Variants in TECPR2 observed in about 807,000 individuals in gnomAD.
TECPR2 encodes tectonin beta-propeller repeat-containing protein 2.
TECPR2 carries 65 observed loss-of-function variants against 138.1 expected under a neutral mutation model. The ratio of observed to expected loss-of-function variants is 0.47; its 90% CI spans 0.39 to 0.58. TECPR2 has a LOEUF of 0.58. Among genes scored for constraint, TECPR2 ranks in the 20% least tolerant of loss-of-function variants. The pLI is 0.00. For missense variants in TECPR2, 1,553 were observed against 1,824.5 expected (o/e 0.85, Z 2.71); for synonymous variants, 746 against 749.8 (o/e 0.99, Z 0.08).
intron 6 of TECPR2, among the ~76,000 whole-genome samples, chr14:102,426,032 G>T (rs575800892): frequency 2.0e-5 from 3 of 149,868 alleles, no homozygotes; most frequent in African/African-American, 2.5e-5. Flanking sequence ...TTACAGGTGC[G>T]CACCACCACG....
chr14:102,489,778 T>G lies in TECPR2; in HGVS notation c.3790-7201T>G, dbSNP rs368269604. Among the ~76,000 whole-genome samples the G allele has an allele frequency of 8.0e-4, 121 of 151,854 alleles. 2 individuals are homozygous for G. The highest frequency in any genetic ancestry group is 2.8e-3 in the African/African-American group (117 of 41,354). ...TGCTCTCTCTGACAGCCCCTGAGTG[T>G]GTCTGGGTTTTGTCTGTTTAAATGA... is the stretch of plus-strand genomic sequence containing the variant. On this transcript the variant is annotated intron_variant, in intron 17 of 19. Coordinates refer to ENST00000359520, the MANE Select transcript of TECPR2 (RefSeq NM_014844.5).
rs984385002 is a variant in TECPR2, at chr14:102,432,088, G to C, written c.1377G>C (p.Lys459Asn). 2 of 1,604,820 alleles carry C rather than the reference G, an allele frequency of 1.2e-6. No homozygotes were observed. The highest frequency in any genetic ancestry group is 1.7e-6 in the Non-Finnish European group (2 of 1,174,828). ...SEDFDQELVV[K>N]PIKVKRKKKK... The stretch of plus-strand genomic sequence containing the variant: ...ACTTTGACCAGGAGCTTGTCGTGAA[G>C]CCTATCAAAGTGAAAAGGAAGAAGA... Residue 459 changes from lysine to asparagine, a missense_variant, in exon 8 of 20, where the codon AAG becomes AAC. Coordinates refer to ENST00000359520, the MANE Select transcript of TECPR2 (RefSeq NM_014844.5).
chr14:102,438,230 C>T (rs749578922), intron 10 of TECPR2, 25 bp downstream of exon 10: 10 of 1,584,300 alleles, frequency 6.3e-6, no homozygotes, highest in South Asian at 3.4e-5. Context: ...TCCCTGCTCC[C>T]GCTCCCTGCT....
chr14:102,497,527 C>T, intron 18 of TECPR2, 43 bp from the exon 19 acceptor site: 2 of 1,468,046 alleles, frequency 1.4e-6, no homozygotes, highest in Non-Finnish European at 1.8e-6. Context: ...GCGGCCCATC[C>T]CGTCCATGGC....
chr14:102,467,638 T>G (rs180700298), intron 17 of TECPR2, among the ~76,000 whole-genome samples: 579 of 152,116 alleles, frequency 3.8e-3, no homozygotes, highest in Middle Eastern at 0.014. Flanking sequence ...TCCAATTTTT[T>G]GTTGTTATTT....
In TECPR2 at chr14:102,452,590, G is replaced by A. The variant is rs773460001; in HGVS notation, c.3603G>A (p.Thr1201=). 2.8e-5 allele frequency: 45 copies of A among 1,605,968 alleles called. No homozygotes were observed. The highest frequency in any genetic ancestry group is 2.0e-4 in the Admixed American group (12 of 58,828). Residue 1201 remains threonine, a synonymous_variant, in exon 16 of 20, where the codon ACG becomes ACA. Transcript: ENST00000359520. ...FIRTLSKSCP[T]GMHWTRLDLS... ...GGACGCTCTCCAAGAGCTGCCCCAC[G>A]GGCATGCACTGGACCAGGCTGGACC...
At chr14:102,450,048 G>A (rs1282953040) in intron 14 of TECPR2, among the ~76,000 whole-genome samples, 179 bp downstream of exon 14, 1 of 152,170 alleles carries the variant, frequency 6.6e-6, no homozygotes, top group Non-Finnish European at 1.5e-5. Context: ...TAAAAAATCT[G>A]TCATTCCTAA....
At chr14:102,371,307 T>G (rs2139650492) in intron 1 of TECPR2, among the ~76,000 whole-genome samples, 1 of 152,334 alleles carries the variant, frequency 6.6e-6, no homozygotes. Context: ...CTGCATTGTT[T>G]TTCCCAAACC....
rs551174284 is a variant in TECPR2, at chr14:102,480,038, A to G, written c.3789+14749A>G. Among the ~76,000 whole-genome samples, 5 of 152,220 alleles carry G rather than the reference A, an allele frequency of 3.3e-5. No individual in the cohort carries two copies. The East Asian group carries it at 7.7e-4, about 24-fold the overall frequency. ...TGTTTTTTGCCTGTAGATTCAATTG[A>G]CCTTGGGAATGTTGCTTAAACTCGC... On this transcript the variant is annotated intron_variant, in intron 17 of 19. Transcript: ENST00000359520.
rs35980535 is a variant in TECPR2, at chr14:102,425,564, TTTG to T, written c.951+301_951+303del. 2.6e-3 allele frequency among the ~76,000 whole-genome samples: 392 copies of T among 151,790 alleles called. 1 individual carries two copies. Among genetic ancestry groups the T allele is most frequent in the African/African-American group, 8.0e-3 (333 of 41,394 alleles). On this transcript the variant is annotated intron_variant, in intron 6 of 19. Transcript: ENST00000359520. Reference sequence around the variant, plus strand: ...TAAACACAAAATTAAACTTGTTCTTTTTGTTGTTGTTGTTGTTGTTGTTGTTGT... The same window carrying T: ...TAAACACAAAATTAAACTTGTTCTTTTTGTTGTTGTTGTTGTTGTTGTTGT...
rs1727944299 is a variant in TECPR2 at position 102,438,025 on chromosome 14, G to C, written c.2398G>C (p.Ala800Pro). 1 of 1,613,190 alleles carries C rather than the reference G, an allele frequency of 6.2e-7. No individual in the cohort carries two copies. Among genetic ancestry groups the C allele is most frequent in the South Asian group, 1.1e-5 (1 of 91,000 alleles). Reference sequence around the variant, plus strand: ...TCACTGGCTCTTCCCTTGTTAGTTTGCAGAAAGCTGGATGGGCTACTCGGG... The same window carrying C: ...TCACTGGCTCTTCCCTTGTTAGTTTCCAGAAAGCTGGATGGGCTACTCGGG... ...DAGLLKPDQF[A>P]ESWMGYSGPG... Residue 800 changes from alanine (A) to proline (P), a missense_variant, in exon 10 of 20, where the codon GCA (alanine) becomes CCA (proline). Ala to Pro is a conservative substitution (Grantham distance 27). Transcript: ENST00000359520.
At position 102,407,399 on chromosome 14, in the gene TECPR2, C is replaced by T. The variant is rs1888688183; in HGVS notation, c.281C>T (p.Ala94Val). 1.2e-6 allele frequency: 2 copies of T among 1,613,514 alleles called. No homozygotes were observed. The highest frequency in any genetic ancestry group is 1.3e-5 in the African/African-American group (1 of 74,926). Residue 94 changes from alanine (A) to valine (V), a missense_variant, in exon 3 of 20, where the codon GCA becomes GTA. By Grantham distance (64) the Ala-to-Val change is moderately conservative (BLOSUM62 0). Transcript: ENST00000359520. ...LLSCFDDLVA[A>V]GTASGRVAVF... ...AGCTGCTTTGATGACCTGGTGGCAG[C>T]AGGCACAGCCTCTGGCAGGGTTGCA...
chr14:102,438,037 A>G lies in TECPR2; in HGVS notation c.2410A>G (p.Met804Val). ...LKPDQFAESWMGYSGPGYGIL... is the reference protein window; with the variant it reads ...LKPDQFAESWVGYSGPGYGIL... ...CCCTTGTTAGTTTGCAGAAAGCTGG[A>G]TGGGCTACTCGGGTCCCGGCTATGG... Residue 804 changes from methionine (M) to valine (V), a missense_variant, in exon 10 of 20, where the codon ATG (methionine) becomes GTG (valine). By Grantham distance (21) the Met-to-Val change is conservative. Coordinates refer to ENST00000359520, the MANE Select transcript of TECPR2 (RefSeq NM_014844.5). 1 of 1,613,796 alleles carries G rather than the reference A, an allele frequency of 6.2e-7. No homozygotes were observed. Among genetic ancestry groups the G allele is most frequent in the Non-Finnish European group, 8.5e-7 (1 of 1,179,882 alleles).
chr14:102,463,365 C>T (rs1235479953), intron 16 of TECPR2, among the ~76,000 whole-genome samples: 2 of 142,018 alleles, frequency 1.4e-5, no homozygotes, highest in Non-Finnish European at 1.5e-5. Context: ...TGCAGTGAGC[C>T]GAGATCCCGC....
At chr14:102,431,526 T>C (rs958949360) in intron 7 of TECPR2, among the ~76,000 whole-genome samples, 5 of 152,072 alleles carry the variant, frequency 3.3e-5, no homozygotes, top group African/African-American at 7.2e-5. Context: ...GTATTTTTAG[T>C]AGAGACGGGG....
chr14:102,468,953 C>G (rs1391726522), intron 17 of TECPR2, among the ~76,000 whole-genome samples: 1 of 152,192 alleles, frequency 6.6e-6, no homozygotes, highest in Non-Finnish European at 1.5e-5. Context: ...TTAGTTATAT[C>G]CCAGTGATCT....
At position 102,452,471 on chromosome 14, in the gene TECPR2, A is replaced by G. The variant is rs1278064724; in HGVS notation, c.3484A>G (p.Thr1162Ala). ...CCAGAGCGCACAGTCGCGGCCCTCC[A>G]CGGTGCAGCTGCCTCCCGAAGCCGA... ...SAQSAQSRPS[T>A]VQLPPEAEMR... The change falls in exon 16 of 20, where the codon ACG (threonine) becomes GCG (alanine). Residue 1162 changes from threonine (T) to alanine (A), a missense_variant. Thr to Ala is a moderately conservative substitution (Grantham distance 58). Coordinates refer to ENST00000359520, the MANE Select transcript of TECPR2 (RefSeq NM_014844.5). The G allele has an allele frequency of 6.2e-7, 1 of 1,613,534 alleles. No homozygotes were observed. The highest frequency in any genetic ancestry group is 8.5e-7 in the Non-Finnish European group (1 of 1,179,972).
At chr14:102,440,106 G>C (rs973357415) in intron 10 of TECPR2, among the ~76,000 whole-genome samples, 1 of 152,214 alleles carries the variant, frequency 6.6e-6, no homozygotes, top group African/African-American at 2.4e-5. Context: ...TGTGAGGAGC[G>C]CCTGTCATGT....
intron 2 of TECPR2, among the ~76,000 whole-genome samples, chr14:102,405,882 C>G (rs149735919): frequency 1.3e-5 from 2 of 152,152 alleles, no homozygotes; most frequent in Non-Finnish European, 2.9e-5. Flanking sequence ...TGCTATAACA[C>G]GGATGAACCT....
Sources: gnomAD v4.1 joint callset for allele counts (sites outside exome capture counted in the v4.1 genomes callset) on GRCh38, gnomAD v4.1.1 for gene constraint, MANE v1.5 for transcripts, NCBI Gene and HGNC (gene_info 2026-07-23, HGNC 2026-07-21) for gene names.